The following IL1RAPL1 variants were observed in gnomAD, a reference collection of about 807,000 sequenced individuals.
IL1RAPL1 encodes the protein interleukin-1 receptor accessory protein-like 1.
In IL1RAPL1, 3 loss-of-function variants were observed where a neutral mutation model predicts 48.4. The ratio of observed to expected loss-of-function variants is 0.06; its 90% confidence interval spans 0.03 to 0.16. IL1RAPL1 has a LOEUF of 0.16. Among genes scored for constraint, IL1RAPL1 ranks in the 10% least tolerant of loss-of-function variants. IL1RAPL1 has a pLI of 1.00. For synonymous variants in IL1RAPL1, 185 were observed against 187.7 expected (o/e 0.99, Z 0.12); for missense variants, 349 against 530.6 (o/e 0.66, Z 3.36).
At chrX:29,069,645 A>ACACACACG (rs1927522257) in intron 2 of IL1RAPL1, among the ~76,000 whole-genome samples, 1 of 108,277 alleles carries the variant, frequency 9.2e-6, no homozygotes, top group Non-Finnish European at 1.9e-5. Context: ...ACACACACAC[A>ACACACACG]CACACACACA....
intron 2 of IL1RAPL1, among the ~76,000 whole-genome samples, chrX:28,945,679 A>T (rs1425340476): frequency 9.1e-6 from 1 of 110,395 alleles, no homozygotes; most frequent in Admixed American, 9.7e-5. Context: ...TGATGGCTTG[A>T]TAGGTGCAGC....
chrX:29,738,370 T>C (rs1435669294), intron 6 of IL1RAPL1, among the ~76,000 whole-genome samples: 3 of 111,328 alleles, frequency 2.7e-5, no homozygotes, highest in Non-Finnish European at 3.8e-5. Flanking sequence ...TCCCACTCTG[T>C]GGTACAAAAT....
intron 5 of IL1RAPL1, among the ~76,000 whole-genome samples, chrX:29,540,210 C>T (rs1045608240): frequency 1.3e-4 from 14 of 109,736 alleles, no homozygotes; most frequent in Non-Finnish European, 2.7e-4. Flanking sequence ...CATAGGAACA[C>T]ATCTAACCAA....
intron 5 of IL1RAPL1, among the ~76,000 whole-genome samples, chrX:29,639,834 A>C (rs1925111110): frequency 8.9e-6 from 1 of 111,971 alleles, no homozygotes; most frequent in African/African-American, 3.2e-5. Context: ...CCAGAGTATT[A>C]GATATGCATC....
chrX:29,529,282 T>A (rs1486285224), intron 5 of IL1RAPL1, among the ~76,000 whole-genome samples: 1 of 110,998 alleles, frequency 9.0e-6, no homozygotes, highest in Non-Finnish European at 1.9e-5. Flanking sequence ...TTAACAAAAT[T>A]AGAATATGAA....
intron 5 of IL1RAPL1, among the ~76,000 whole-genome samples, chrX:29,416,553 C>G (rs1934219685): frequency 9.0e-6 from 1 of 110,972 alleles, no homozygotes; most frequent in Non-Finnish European, 1.9e-5. Flanking sequence ...AACAAACAAA[C>G]AAACAACAAC....
chrX:29,443,599 C>T (rs1383832317), intron 5 of IL1RAPL1, among the ~76,000 whole-genome samples: 2 of 111,631 alleles, frequency 1.8e-5, no homozygotes, highest in East Asian at 5.6e-4. Context: ...CAGGTTCTTA[C>T]CTCTGACTAA....
At chrX:29,055,314 A>T (rs1222982274) in intron 2 of IL1RAPL1, among the ~76,000 whole-genome samples, 1 of 111,564 alleles carries the variant, frequency 9.0e-6, no homozygotes, top group Non-Finnish European at 1.9e-5. Flanking sequence ...ATGAAAGTCC[A>T]GATAAGAGCC....
intron 6 of IL1RAPL1, among the ~76,000 whole-genome samples, chrX:29,691,908 TA>T (rs1330434447): frequency 8.9e-6 from 1 of 112,231 alleles, no homozygotes; most frequent in Non-Finnish European, 1.9e-5. Flanking sequence ...TACCCTAAAA[TA>T]AAATACTTGA....
intron 2 of IL1RAPL1, among the ~76,000 whole-genome samples, chrX:29,129,460 A>T (rs1270766393): frequency 8.9e-6 from 1 of 111,792 alleles, no homozygotes; most frequent in African/African-American, 3.2e-5. Context: ...GGGAAAATTT[A>T]AAAAACAAAG....
chrX:29,551,031 C>G (rs1477055434), intron 5 of IL1RAPL1, among the ~76,000 whole-genome samples: 1 of 112,159 alleles, frequency 8.9e-6, no homozygotes, highest in Admixed American at 9.4e-5. Flanking sequence ...AATTTGATTT[C>G]TGTCGGTACC....
chrX:28,591,117 C>T (rs1438390732), intron 1 of IL1RAPL1, among the ~76,000 whole-genome samples: 1 of 111,320 alleles, frequency 9.0e-6, no homozygotes, highest in Non-Finnish European at 1.9e-5. Flanking sequence ...ATTTTATTTC[C>T]ATTTTGTCAG....
chrX:29,335,833 T>A (rs1324977463), intron 3 of IL1RAPL1, among the ~76,000 whole-genome samples: 1 of 111,431 alleles, frequency 9.0e-6, no homozygotes, highest in Non-Finnish European at 1.9e-5. Context: ...AAATGATAGA[T>A]GTTGAATTTG....
At chrX:28,709,677 A>G (rs992108203) in intron 1 of IL1RAPL1, among the ~76,000 whole-genome samples, 8 of 111,103 alleles carry the variant, frequency 7.2e-5, no homozygotes, top group African/African-American at 2.3e-4. Flanking sequence ...TGAAGGTGGA[A>G]ATTAAAATGG....
At chrX:28,838,632 A>G (rs1343875848) in intron 2 of IL1RAPL1, among the ~76,000 whole-genome samples, 1 of 110,618 alleles carries the variant, frequency 9.0e-6, no homozygotes, top group Non-Finnish European at 1.9e-5. Context: ...ATTAAAACAA[A>G]CTCGGGTTTT....
At chrX:29,572,401 T>C (rs1340357970) in intron 5 of IL1RAPL1, among the ~76,000 whole-genome samples, 1 of 112,497 alleles carries the variant, frequency 8.9e-6, no homozygotes, top group Non-Finnish European at 1.9e-5. Flanking sequence ...TTTAAATATA[T>C]AAATAACTGA....
intron 5 of IL1RAPL1, among the ~76,000 whole-genome samples, chrX:29,457,840 G>A (rs917493759): frequency 2.7e-5 from 3 of 112,193 alleles, no homozygotes; most frequent in Non-Finnish European, 5.6e-5. Flanking sequence ...TCTTTTCTCC[G>A]CAGCCTCACC....
chrX:29,795,654 A>C (rs1344366385), intron 6 of IL1RAPL1, among the ~76,000 whole-genome samples: 6 of 112,944 alleles, frequency 5.3e-5, no homozygotes, highest in African/African-American at 1.9e-4. Flanking sequence ...CAAGCGATCC[A>C]CCTGCCTCAG....
At chrX:29,676,012 T>A (rs1037314496) in intron 6 of IL1RAPL1, among the ~76,000 whole-genome samples, 1 of 112,226 alleles carries the variant, frequency 8.9e-6, no homozygotes, top group Admixed American at 9.4e-5. Context: ...ATATTATCAC[T>A]GTTAGTGTTT....
Sources: allele counts gnomAD v4.1 joint callset (sites outside exome capture counted in the v4.1 genomes callset), GRCh38; gene constraint gnomAD v4.1.1; transcripts MANE v1.5; gene names NCBI Gene and HGNC (gene_info 2026-07-23, HGNC 2026-07-21).